Variants in SPATS2 observed in about 807,000 individuals in gnomAD.
SPATS2 encodes spermatogenesis associated serine rich 2.
Under a neutral mutation model 63.7 loss-of-function variants are expected in SPATS2, and 38 were observed. The observed-to-expected ratio is 0.60, with a 90% CI of 0.46 to 0.78. The LOEUF is 0.78. Ranked by LOEUF, SPATS2 falls within the 30% of genes least tolerant of loss-of-function variation. SPATS2 has a pLI of 0.00. For missense variants in SPATS2, 588 were observed against 666.2 expected (o/e 0.88, Z 1.29); for synonymous variants, 207 against 232.9 (o/e 0.89, Z 1.01).
In SPATS2 at chr12:49,526,274, T is replaced by C. The variant is rs200280544; in HGVS notation, c.*19T>C. ...CTCTTGAGAGAAAATCCAGTTGGCCTCTCTCCTCTATCCACACAATTCAAC... is the reference window on the plus strand; with the variant it reads ...CTCTTGAGAGAAAATCCAGTTGGCCCCTCTCCTCTATCCACACAATTCAAC... On this transcript the variant is annotated 3_prime_UTR_variant, in exon 14 of 14. Transcript: ENST00000552918. The C allele has an allele frequency of 2.4e-5, 38 of 1,588,122 alleles. No individual in the cohort carries two copies. Among genetic ancestry groups the C allele is most frequent in the Non-Finnish European group, 3.2e-5 (37 of 1,167,658 alleles).
At chr12:49,369,580 C>T (rs1943963960) in intron 1 of SPATS2, among the ~76,000 whole-genome samples, 1 of 152,122 alleles carries the variant, frequency 6.6e-6, no homozygotes, top group Admixed American at 6.5e-5. Context: ...AGTAAAGCAG[C>T]ATGAACTGGT....
intron 2 of SPATS2, among the ~76,000 whole-genome samples, chr12:49,437,830 A>G (rs1272887883): frequency 6.6e-6 from 1 of 151,928 alleles, no homozygotes; most frequent in Non-Finnish European, 1.5e-5. Context: ...AAAAAGAGGG[A>G]GAGGGAGACC....
chr12:49,367,539 G>T lies in SPATS2; in HGVS notation c.-355G>T. ...TCTCAGACCCGGGAGCGTCCGGGACGCGGAGCCCGGAGCTGGGGCGACGAG... is the reference window on the plus strand; with the variant it reads ...TCTCAGACCCGGGAGCGTCCGGGACTCGGAGCCCGGAGCTGGGGCGACGAG... On this transcript the variant is annotated 5_prime_UTR_variant, in exon 1 of 14. Transcript: ENST00000552918. The T allele has an allele frequency of 2.5e-6, 1 of 398,364 alleles. No individual in the cohort carries two copies. 24.7% of individuals were successfully genotyped at this position (398,364 alleles called of 1,614,324 possible).
chr12:49,448,361 G>C (rs1476870778), intron 2 of SPATS2, among the ~76,000 whole-genome samples: 1 of 151,732 alleles, frequency 6.6e-6, no homozygotes, highest in East Asian at 1.9e-4. Flanking sequence ...GGATGGTCTC[G>C]ATCTCCTGAC....
intron 2 of SPATS2, among the ~76,000 whole-genome samples, chr12:49,451,471 ATTG>A (rs1945622130): frequency 6.6e-6 from 1 of 152,164 alleles, no homozygotes; most frequent in South Asian, 2.1e-4. Flanking sequence ...ATAATTCAGT[ATTG>A]TTATTAATCT....
intron 2 of SPATS2, among the ~76,000 whole-genome samples, chr12:49,439,707 A>G (rs1461852827): frequency 2.6e-5 from 4 of 152,206 alleles, no homozygotes; most frequent in African/African-American, 9.6e-5. Flanking sequence ...GGAGACATTC[A>G]GTTGAAATTC....
chr12:49,367,610 G>A, intron 1 of SPATS2, 23 bp downstream of exon 1: 1 of 397,410 alleles, frequency 2.5e-6, no homozygotes, highest in Non-Finnish European at 4.4e-6. Flanking sequence ...GTGCTGGGTG[G>A]CGGGGTTGGC....
At chr12:49,409,944 G>A (rs1163571524) in intron 2 of SPATS2, among the ~76,000 whole-genome samples, 1 of 152,122 alleles carries the variant, frequency 6.6e-6, no homozygotes, top group African/African-American at 2.4e-5. Context: ...GCTGAGTTGA[G>A]TGTAGAGAAG....
At chr12:49,400,927 G>C (rs1028047404) in intron 2 of SPATS2, among the ~76,000 whole-genome samples, 19 of 152,082 alleles carry the variant, frequency 1.2e-4, no homozygotes, top group African/African-American at 4.6e-4. Flanking sequence ...CCAGGCTTGA[G>C]TGCCGTGGTG....
At chr12:49,467,897 C>A (rs1393146954) in intron 3 of SPATS2, among the ~76,000 whole-genome samples, 1 of 151,718 alleles carries the variant, frequency 6.6e-6, no homozygotes, top group Non-Finnish European at 1.5e-5. Flanking sequence ...CCACGCCCGG[C>A]TAATTTTTTG....
At chr12:49,395,998 C>G (rs960546631) in intron 2 of SPATS2, among the ~76,000 whole-genome samples, 2 of 152,202 alleles carry the variant, frequency 1.3e-5, no homozygotes, top group African/African-American at 4.8e-5. Flanking sequence ...TAAGTGGTAT[C>G]ATGCATTATT....
rs761420254 is a variant in SPATS2 at position 49,496,990 on chromosome 12, C to T, written c.684C>T (p.Leu228=). 19 of 1,559,968 alleles carry T rather than the reference C, an allele frequency of 1.2e-5. No individual in the cohort carries two copies. The highest frequency in any genetic ancestry group is 1.7e-4 in the Middle Eastern group (1 of 5,816). The change falls in exon 8 of 14, where the codon CTC becomes CTT. Residue 228 remains leucine (L), a synonymous_variant. Transcript: ENST00000552918. ...FSNMGMEDVP[L]ATSKKLSSNI... ...ATATGGGGATGGAAGATGTTCCCCTCGCCACCAGTAAAAAGCTAAGTAAGT... is the reference window on the plus strand; with the variant it reads ...ATATGGGGATGGAAGATGTTCCCCTTGCCACCAGTAAAAAGCTAAGTAAGT...
intron 9 of SPATS2, among the ~76,000 whole-genome samples, chr12:49,513,851 A>G (rs1946793186): frequency 6.6e-6 from 1 of 152,172 alleles, no homozygotes; most frequent in Non-Finnish European, 1.5e-5. Flanking sequence ...AGACCAAAAT[A>G]TAAATATAAA....
chr12:49,417,980 T>C (rs1163186224), intron 2 of SPATS2, among the ~76,000 whole-genome samples: 7 of 152,146 alleles, frequency 4.6e-5, no homozygotes, highest in Admixed American at 4.6e-4. Context: ...TCCCGGCTTA[T>C]GCCATCCTCC....
At chr12:49,489,720 C>T (rs1049494509) in intron 5 of SPATS2, 147 bp downstream of exon 5, 6 of 620,350 alleles carry the variant, frequency 9.7e-6, no homozygotes, top group Non-Finnish European at 1.6e-5. Flanking sequence ...TTGACGATAC[C>T]TCTTTCAGCT....
chr12:49,411,415 T>G (rs1020756048), intron 2 of SPATS2, among the ~76,000 whole-genome samples: 1 of 152,090 alleles, frequency 6.6e-6, no homozygotes, highest in Non-Finnish European at 1.5e-5. Context: ...GAGACTTGAT[T>G]GAAATGTGAA....
At chr12:49,515,271 G>A (rs1374552835) in intron 10 of SPATS2, among the ~76,000 whole-genome samples, 2 of 152,198 alleles carry the variant, frequency 1.3e-5, no homozygotes, top group Non-Finnish European at 2.9e-5. Context: ...GCTACACGAA[G>A]ACAAGGGAAT....
intron 2 of SPATS2, among the ~76,000 whole-genome samples, chr12:49,414,558 A>G (rs539529280): frequency 2.0e-5 from 3 of 152,204 alleles, no homozygotes; most frequent in South Asian, 4.2e-4. Context: ...CTTCATGCCA[A>G]TTTACCCTGG....
intron 2 of SPATS2, among the ~76,000 whole-genome samples, chr12:49,376,545 T>C (rs11608534): frequency 0.092 from 13,936 of 151,660 alleles, 750 homozygotes; most frequent in African/African-American, 0.14. Flanking sequence ...TACAGGCTCG[T>C]ACCACCATGC....
Sources: gnomAD v4.1 joint callset for allele counts (sites outside exome capture counted in the v4.1 genomes callset) on GRCh38, gnomAD v4.1.1 for gene constraint, MANE v1.5 for transcripts, NCBI Gene and HGNC (gene_info 2026-07-23, HGNC 2026-07-21) for gene names.